The following ASB18 variants were observed in gnomAD, a reference collection of about 807,000 sequenced individuals.
ASB18 encodes ankyrin repeat and SOCS box protein 18.
A neutral mutation model predicts 33.4 loss-of-function variants in ASB18; 33 were observed. That is an observed-to-expected ratio of 0.99 (90% CI 0.75 to 1.32). ASB18 has a LOEUF of 1.32. ASB18 is among the 40% of genes most tolerant of loss of function. ASB18 has a pLI of 0.00. For synonymous variants in ASB18, 295 were observed against 307.6 expected, an observed-to-expected ratio of 0.96 and a Z score of 0.43; for missense variants, 694 against 655.5, an observed-to-expected ratio of 1.06 and a Z score of -0.64.
In ASB18 at chr2:236,253,331, C is replaced by T. The variant is rs1044825719; in HGVS notation, c.205+10810G>A. On this transcript the variant is annotated intron_variant, in intron 1 of 5. Transcript: ENST00000409749. This position sits in a 1 kb window ranked among gnomAD's most constrained non-coding sequence, Gnocchi z 5.4. ...GGACCAGGGATTTTCTTTTCTGAGT[C>T]TAATTTGTTGCAGTTTGATTCTCAT... Among the ~76,000 whole-genome samples the T allele has an allele frequency of 2.0e-5, 3 of 152,120 alleles. No individual in the cohort carries two copies. The highest frequency in any genetic ancestry group is 7.2e-5 in the African/African-American group (3 of 41,412).
Position 236,229,903 on chromosome 2 carries a change from A to T in ASB18, c.596+7786T>A, listed in dbSNP as rs1250749081. Among the ~76,000 whole-genome samples the T allele has an allele frequency of 6.6e-6, 1 of 152,144 alleles. No homozygotes were observed. Among genetic ancestry groups the T allele is most frequent in the Non-Finnish European group, 1.5e-5 (1 of 68,014 alleles). ...GCACCTCATAACCAAATTGCTTAAA[A>T]CCAGTGATTAGAGAAAATCTTAAAG... is the stretch of plus-strand genomic sequence containing the variant. On this transcript the variant is annotated intron_variant, in intron 3 of 5. Coordinates refer to ENST00000409749, the MANE Select transcript of ASB18 (RefSeq NM_212556.4). This position sits in a 1 kb window ranked among gnomAD's most constrained non-coding sequence, Gnocchi z 5.2.
In ASB18 at chr2:236,209,290, T is replaced by A. The variant is rs1295543924; in HGVS notation, c.1101+5072A>T. Among the ~76,000 whole-genome samples, 1 of 147,810 alleles carries A rather than the reference T, an allele frequency of 6.8e-6. No homozygotes were observed. The highest frequency in any genetic ancestry group is 1.5e-5 in the Non-Finnish European group (1 of 66,704). ...AGAATCTGCTTTTTTTTTTTTTTTT[T>A]AAGACAAGGTCTTGCTCTGTCGTCC... On this transcript the variant is annotated intron_variant, in intron 4 of 5. Coordinates refer to ENST00000409749, the MANE Select transcript of ASB18 (RefSeq NM_212556.4). This position sits in a 1 kb window ranked among gnomAD's most constrained non-coding sequence, Gnocchi z 4.4.
intron 4 of ASB18, among the ~76,000 whole-genome samples, chr2:236,202,435 T>C (rs2060407781): frequency 6.6e-6 from 1 of 152,132 alleles, no homozygotes; most frequent in African/African-American, 2.4e-5. Context: ...GGTTCTGTTG[T>C]ACATGTTTGT....
Position 236,237,774 on chromosome 2 carries a change from G to A in ASB18, c.511C>T (p.Leu171=), listed in dbSNP as rs528021070. The part of the protein sequence containing the change: ...LGGHTACVRL[L]LQHRADPDLL... ...TCGGGGTCGGCGCGGTGCTGCAGCA[G>A]CAGGCGGACGCAGGCGGTGTGGCCC... The change falls in exon 3 of 6, where the codon CTG becomes TTG. Residue 171 remains leucine, a synonymous_variant. Transcript: ENST00000409749. The surrounding 1 kb of genome is among the most constrained non-coding windows in gnomAD (Gnocchi z 6.2). 6.9e-4 allele frequency: 1,000 copies of A among 1,442,596 alleles called. 5 individuals are homozygous for A. The African/African-American group carries it at 0.013, about 18-fold the overall frequency. The allele number at this position is 1,442,596 out of a possible 1,614,324, so 89.4% of individuals were successfully genotyped here. A position where few individuals can be genotyped will look rare whatever the true frequency, so the allele number is the denominator to read the frequency against.
chr2:236,218,775 G>A (rs1179600907), intron 3 of ASB18, among the ~76,000 whole-genome samples: 1 of 136,418 alleles, frequency 7.3e-6, no homozygotes, highest in Admixed American at 7.8e-5. Flanking sequence ...TCTAGCCTGA[G>A]TGACAGAATG....
At chr2:236,258,608 G>A (rs1232243091) in intron 1 of ASB18, among the ~76,000 whole-genome samples, 5 of 152,190 alleles carry the variant, frequency 3.3e-5, no homozygotes, top group Non-Finnish European at 7.3e-5. Context: ...CCAGGCATAA[G>A]GAAGGATGTC....
rs554462342 is a variant in ASB18, at chr2:236,262,385, C to A, written c.205+1756G>T. 7.2e-5 allele frequency among the ~76,000 whole-genome samples: 11 copies of A among 152,336 alleles called. No homozygotes were observed. The highest frequency in any genetic ancestry group is 5.9e-4 in the Admixed American group (9 of 15,310). On this transcript the variant is annotated intron_variant, in intron 1 of 5. Coordinates refer to ENST00000409749, the MANE Select transcript of ASB18 (RefSeq NM_212556.4). This position sits in a 1 kb window ranked among gnomAD's most constrained non-coding sequence, Gnocchi z 5.2. ...GCCACAGCGGATGGCCATTCCTAAC[C>A]CTGTACCTGATAGGGCTGGAGGAGG...
rs1275526462 is a variant in ASB18 at position 236,235,633 on chromosome 2, C to G, written c.596+2056G>C. Among the ~76,000 whole-genome samples the G allele has an allele frequency of 6.6e-6, 1 of 152,242 alleles. No homozygotes were observed. Among genetic ancestry groups the G allele is most frequent in the East Asian group, 1.9e-4 (1 of 5,200 alleles). ...ATGTATTGGTGAGGCTGTAAAGCAA[C>G]TGGAACATGCAGACATCGCTGGTGC... On this transcript the variant is annotated intron_variant, in intron 3 of 5. Transcript: ENST00000409749. The surrounding 1 kb of genome is among the most constrained non-coding windows in gnomAD (Gnocchi z 6.2).
rs1406290371 is a variant in ASB18, at chr2:236,242,761, TG to T, written c.206-1360del. Among the ~76,000 whole-genome samples, 8 of 150,430 alleles carry T rather than the reference TG, an allele frequency of 5.3e-5. No homozygotes were observed. In the South Asian group the frequency reaches 1.7e-3, roughly 32 times the overall value. ...GATTGCAGACATGAGCCACTGTGTCTGGCCAATCCCAGCACTTTGGGAGGTC... is the reference window on the plus strand; with the variant it reads ...GATTGCAGACATGAGCCACTGTGTCTGCCAATCCCAGCACTTTGGGAGGTC... On this transcript the variant is annotated intron_variant, in intron 1 of 5. Coordinates refer to ENST00000409749, the MANE Select transcript of ASB18 (RefSeq NM_212556.4).
In ASB18 at chr2:236,255,448, ATTTC is replaced by A. The variant is rs1445560054; in HGVS notation, c.205+8689_205+8692del. Among the ~76,000 whole-genome samples the A allele has an allele frequency of 1.3e-5, 2 of 152,062 alleles. No individual in the cohort carries two copies. Among genetic ancestry groups the A allele is most frequent in the Non-Finnish European group, 2.9e-5 (2 of 67,996 alleles). On this transcript the variant is annotated intron_variant, in intron 1 of 5. Transcript: ENST00000409749. The surrounding 1 kb of genome is among the most constrained non-coding windows in gnomAD (Gnocchi z 4.4). ...TGTGAGCCACTGCGCCTGGCCTGGT[ATTTC>A]TTTATCACAATGCGAGAACGGACTA... is the stretch of plus-strand genomic sequence containing the variant.
rs540941794 is a variant in ASB18, at chr2:236,262,598, G to C, written c.205+1543C>G. On this transcript the variant is annotated intron_variant, in intron 1 of 5. Coordinates refer to ENST00000409749, the MANE Select transcript of ASB18 (RefSeq NM_212556.4). The surrounding 1 kb of genome is among the most constrained non-coding windows in gnomAD (Gnocchi z 5.2). ...GATGCAGTTTGCAGAGATCAGCCTC[G>C]GGGGGGTGCTTGGGCACGGTGGGCC... is the stretch of plus-strand genomic sequence containing the variant. Among the ~76,000 whole-genome samples the C allele has an allele frequency of 1.3e-5, 2 of 152,216 alleles. No homozygotes were observed. The highest frequency in any genetic ancestry group is 2.4e-5 in the African/African-American group (1 of 41,522).
At position 236,215,933 on chromosome 2, in the gene ASB18, T is replaced by C. The variant is rs1429114199; in HGVS notation, c.597-1067A>G. Among the ~76,000 whole-genome samples the C allele has an allele frequency of 1.3e-5, 2 of 152,312 alleles. No homozygotes were observed. Among genetic ancestry groups the C allele is most frequent in the East Asian group, 3.9e-4 (2 of 5,174 alleles). On this transcript the variant is annotated intron_variant, in intron 3 of 5. Coordinates refer to ENST00000409749, the MANE Select transcript of ASB18 (RefSeq NM_212556.4). The surrounding 1 kb of genome is among the most constrained non-coding windows in gnomAD (Gnocchi z 7.2). ...ATGCCTGTTGGTCCTACTTGCCATC[T>C]TTGCTCTATGGAGACCTGAGCCCTG...
At position 236,241,410 on chromosome 2, in the gene ASB18, C is replaced by G; in HGVS notation, c.206-8G>C. ...TCAGATGGTCGAGGTCCCCTGCGAC[C>G]AGGGCAGTGTGGTACTCCTGCACCG... On this transcript the variant is annotated splice_polypyrimidine_tract_variant and splice_region_variant and intron_variant, in intron 1 of 5. Coordinates refer to ENST00000409749, the MANE Select transcript of ASB18 (RefSeq NM_212556.4). This position sits in a 1 kb window ranked among gnomAD's most constrained non-coding sequence, Gnocchi z 4.2. The G allele has an allele frequency of 6.2e-7, 1 of 1,613,956 alleles. No homozygotes were observed. Among genetic ancestry groups the G allele is most frequent in the African/African-American group, 1.3e-5 (1 of 75,046 alleles).
Position 236,209,134 on chromosome 2 carries a change from T to C in ASB18, c.1101+5228A>G, listed in dbSNP as rs7580330. 0.46 allele frequency among the ~76,000 whole-genome samples: 70,295 copies of C among 151,956 alleles called. 20,343 individuals carry two copies. The highest frequency in any genetic ancestry group is 0.83 in the African/African-American group (34,509 of 41,474). On this transcript the variant is annotated intron_variant, in intron 4 of 5. Transcript: ENST00000409749. The surrounding 1 kb of genome is among the most constrained non-coding windows in gnomAD (Gnocchi z 4.4). ...TCTCCCACTAAAAATCCTGTGGAAT[T>C]GGGATAAGCGAAGTCCCTTTACCTG...
rs1440429378 is a variant in ASB18 at position 236,214,651 on chromosome 2, C to T, written c.812G>A (p.Arg271His). 2.6e-6 allele frequency: 3 copies of T among 1,156,110 alleles called. No individual in the cohort carries two copies. The highest frequency in any genetic ancestry group is 3.2e-6 in the Non-Finnish European group (3 of 940,928). 71.6% of individuals were successfully genotyped at this position (1,156,110 alleles called of 1,614,324 possible). The change falls in exon 4 of 6, where the codon CGC (arginine) becomes CAC (histidine). Residue 271 changes from arginine (R) to histidine (H), a missense_variant. Coordinates refer to ENST00000409749, the MANE Select transcript of ASB18 (RefSeq NM_212556.4). The surrounding 1 kb of genome is among the most constrained non-coding windows in gnomAD (Gnocchi z 6.5). The part of the protein sequence containing the change: ...GAARRPDEHG[R>H]CLRLCALLLR... ...CAGCAGCGCGCACAGGCGCAGGCAGCGCCCGTGCTCGTCGGGCCTCCGCGC... is the reference window on the plus strand; with the variant it reads ...CAGCAGCGCGCACAGGCGCAGGCAGTGCCCGTGCTCGTCGGGCCTCCGCGC...
intron 4 of ASB18, among the ~76,000 whole-genome samples, chr2:236,199,786 G>GT (rs79482867): frequency 2.6e-4 from 39 of 147,790 alleles, no homozygotes; most frequent in East Asian, 2.6e-3. Context: ...GATAAAATTT[G>GT]TTTTTTTTTT....
At position 236,264,157 on chromosome 2, in the gene ASB18, G is replaced by A. The variant is rs1423965726; in HGVS notation, c.189C>T (p.Pro63=). The A allele has an allele frequency of 6.2e-7, 1 of 1,613,750 alleles. No homozygotes were observed. Among genetic ancestry groups the A allele is most frequent in the Non-Finnish European group, 8.5e-7 (1 of 1,179,820 alleles). Residue 63 remains proline, a synonymous_variant, in exon 1 of 6, where the codon CCC becomes CCT. Transcript: ENST00000409749. This position sits in a 1 kb window ranked among gnomAD's most constrained non-coding sequence, Gnocchi z 5.1. The part of the protein sequence containing the change: ...DWMKDPSAQL[P]TGMLLGDLDH... ...TCTGGTTACCTAGCAGCATGCCGGTGGGCAGCTGAGCCGAGGGGTCTTTCA... is the reference window on the plus strand; with the variant it reads ...TCTGGTTACCTAGCAGCATGCCGGTAGGCAGCTGAGCCGAGGGGTCTTTCA...
chr2:236,237,249 G>A lies in ASB18; in HGVS notation c.596+440C>T, dbSNP rs1164976200. ...CCAGTGGCCTTTTAGCATCCCCGGCGCCGGCGGCTGGGCTGTGATCACCGC... is the reference window on the plus strand; with the variant it reads ...CCAGTGGCCTTTTAGCATCCCCGGCACCGGCGGCTGGGCTGTGATCACCGC... On this transcript the variant is annotated intron_variant, in intron 3 of 5. Transcript: ENST00000409749. The surrounding 1 kb of genome is among the most constrained non-coding windows in gnomAD (Gnocchi z 6.2). Among the ~76,000 whole-genome samples the A allele has an allele frequency of 3.3e-5, 5 of 151,646 alleles. No individual in the cohort carries two copies. Among genetic ancestry groups the A allele is most frequent in the African/African-American group, 9.7e-5 (4 of 41,418 alleles).
In ASB18 at chr2:236,219,629, A is replaced by G. The variant is rs12463651; in HGVS notation, c.597-4763T>C. ...CCTATCAACGTCACCAGTGGAAGAAATGGCCCAGTGGGGAAAGCTTACTGT... is the reference window on the plus strand; with the variant it reads ...CCTATCAACGTCACCAGTGGAAGAAGTGGCCCAGTGGGGAAAGCTTACTGT... On this transcript the variant is annotated intron_variant, in intron 3 of 5. Coordinates refer to ENST00000409749, the MANE Select transcript of ASB18 (RefSeq NM_212556.4). The surrounding 1 kb of genome is among the most constrained non-coding windows in gnomAD (Gnocchi z 6.4). Among the ~76,000 whole-genome samples the G allele has an allele frequency of 0.17, 25,278 of 152,178 alleles. 2,170 individuals are homozygous for G. Among genetic ancestry groups the G allele is most frequent in the South Asian group, 0.23 (1,123 of 4,820 alleles).
Sources: gnomAD v4.1 joint callset for allele counts (sites outside exome capture counted in the v4.1 genomes callset) on GRCh38, gnomAD v4.1.1 for gene constraint, Gnocchi (gnomAD v3.1) non-coding constraint, MANE v1.5 for transcripts, NCBI Gene and HGNC (gene_info 2026-07-23, HGNC 2026-07-21) for gene names.